PLEKHF2: variants seen among roughly 807,000 people sequenced by gnomAD.
The protein encoded by PLEKHF2 is pleckstrin homology and FYVE domain containing 2, also known as pleckstrin homology domain-containing family F member 2.
PLEKHF2 carries 4 observed loss-of-function variants against 14.7 expected under a neutral mutation model. The ratio of observed to expected loss-of-function variants is 0.27; its 90% CI spans 0.13 to 0.62. PLEKHF2 has a LOEUF of 0.62. Ranked by LOEUF, PLEKHF2 falls within the 20% of genes least tolerant of loss-of-function variation. The pLI is 0.85. For synonymous variants in PLEKHF2, 90 were observed against 103.5 expected, an observed-to-expected ratio of 0.87 and a Z score of 0.79; for missense variants, 201 against 307.7, an observed-to-expected ratio of 0.65 and a Z score of 2.60.
intron 1 of PLEKHF2, among the ~76,000 whole-genome samples, chr8:95,151,232 A>G (rs1270564318): frequency 6.6e-6 from 1 of 152,144 alleles, no homozygotes; most frequent in South Asian, 2.1e-4. Context: ...CACAGTACAA[A>G]TTTATGATAG....
chr8:95,137,440 C>A (rs1483490411), intron 1 of PLEKHF2, among the ~76,000 whole-genome samples: 1 of 152,214 alleles, frequency 6.6e-6, no homozygotes, highest in African/African-American at 2.4e-5. Flanking sequence ...GATCCCACCC[C>A]AGGACAAATA....
Position 95,154,606 on chromosome 8 carries a change from G to GA in PLEKHF2, c.566dup (p.Arg190GlufsTer10). On this transcript the variant is annotated frameshift_variant, in exon 2 of 2. Coordinates refer to ENST00000315367, the MANE Select transcript of PLEKHF2 (RefSeq NM_024613.4). LOFTEE classifies it high-confidence loss of function. The surrounding 1 kb of genome is among the most constrained non-coding windows in gnomAD (Gnocchi z 5.6). ...TTTTGTTGTCTGTGGGCCCTGCTCT[G>GA]AAAAGAGATTTCTTCTTCCCAGCCA... 6.2e-7 allele frequency: 1 copy of GA among 1,614,112 alleles called. No individual in the cohort carries two copies. Among genetic ancestry groups the GA allele is most frequent in the Non-Finnish European group, 8.5e-7 (1 of 1,179,996 alleles).
intron 1 of PLEKHF2, among the ~76,000 whole-genome samples, chr8:95,152,623 C>A (rs534605796): frequency 6.6e-6 from 1 of 152,096 alleles, no homozygotes; most frequent in East Asian, 1.9e-4. Flanking sequence ...TAATTAGAAA[C>A]CTTTCCAGTT....
At position 95,154,213 on chromosome 8, in the gene PLEKHF2, T is replaced by C. The variant is rs752142207; in HGVS notation, c.169T>C (p.Leu57=). 1 of 1,614,024 alleles carries C rather than the reference T, an allele frequency of 6.2e-7. No individual in the cohort carries two copies. The highest frequency in any genetic ancestry group is 2.2e-5 in the East Asian group (1 of 44,874). Residue 57 remains leucine (L), a synonymous_variant, in exon 2 of 2, where the codon TTG becomes CTG. Transcript: ENST00000315367. The surrounding 1 kb of genome is among the most constrained non-coding windows in gnomAD (Gnocchi z 5.6). ...RKKPKARQFF[L]FNDILVYGNI... is the part of the protein sequence containing the mutation. ...AAAGCCCAAAGCAAGGCAGTTTTTC[T>C]TGTTTAATGATATTCTTGTATATGG...
At chr8:95,144,082 G>T (rs948349982) in intron 1 of PLEKHF2, among the ~76,000 whole-genome samples, 16 of 151,482 alleles carry the variant, frequency 1.1e-4, no homozygotes, top group Non-Finnish European at 1.6e-4. Flanking sequence ...TAATGTTAGT[G>T]TATTTTATGT....
intron 1 of PLEKHF2, among the ~76,000 whole-genome samples, chr8:95,139,980 T>C (rs772827500): frequency 3.9e-5 from 6 of 152,108 alleles, no homozygotes; most frequent in Non-Finnish European, 7.4e-5. Context: ...AAACTAGGGG[T>C]TCCCCAAAGT....
intron 1 of PLEKHF2, among the ~76,000 whole-genome samples, chr8:95,145,881 A>T (rs1047916010): frequency 2.0e-5 from 3 of 152,156 alleles, no homozygotes; most frequent in Non-Finnish European, 4.4e-5. Flanking sequence ...TGTTCATTTG[A>T]CTTAGATGTG....
At chr8:95,148,298 A>G (rs543022148) in intron 1 of PLEKHF2, among the ~76,000 whole-genome samples, 2 of 152,158 alleles carry the variant, frequency 1.3e-5, no homozygotes. Flanking sequence ...CAGATAGTCA[A>G]TTGAGGTGAA....
At chr8:95,153,993 ATTTAT>A in intron 1 of PLEKHF2, 33 bp from the exon 2 acceptor site, 1 of 1,394,916 alleles carries the variant, frequency 7.2e-7, no homozygotes, top group Non-Finnish European at 9.5e-7. Context: ...GGAATTTATA[ATTTAT>A]ATGTGCTAAT....
chr8:95,144,284 A>C (rs989742123), intron 1 of PLEKHF2, among the ~76,000 whole-genome samples: 2 of 152,214 alleles, frequency 1.3e-5, no homozygotes, highest in African/African-American at 4.8e-5. Flanking sequence ...ATTTTCTAAA[A>C]TATTCAACTA....
chr8:95,144,027 T>A (rs1413161604), intron 1 of PLEKHF2, among the ~76,000 whole-genome samples: 1 of 127,420 alleles, frequency 7.8e-6, no homozygotes, highest in East Asian at 1.9e-4. Flanking sequence ...GTGTGTGTGA[T>A]TTTTTTTTTC....
intron 1 of PLEKHF2, among the ~76,000 whole-genome samples, chr8:95,135,294 T>C (rs779448062): frequency 3.3e-5 from 5 of 152,244 alleles, no homozygotes; most frequent in African/African-American, 4.8e-5. Context: ...ACAAATACAG[T>C]AAGCCCTAAA....
intron 1 of PLEKHF2, among the ~76,000 whole-genome samples, chr8:95,141,364 C>T (rs1466690119): frequency 6.6e-6 from 1 of 152,134 alleles, no homozygotes; most frequent in Non-Finnish European, 1.5e-5. Context: ...ATTTATCTTT[C>T]GTTGTTTCTA....
Position 95,154,862 on chromosome 8 carries a change from T to TTCTGAGC in PLEKHF2, c.*72_*78dup, listed in dbSNP as rs1810599156. The TTCTGAGC allele has an allele frequency of 1.9e-6, 3 of 1,546,116 alleles. No homozygotes were observed. In the African/African-American group the frequency reaches 4.2e-5, roughly 21 times the overall value. On this transcript the variant is annotated 3_prime_UTR_variant, in exon 2 of 2. Transcript: ENST00000315367. The surrounding 1 kb of genome is among the most constrained non-coding windows in gnomAD (Gnocchi z 5.6). ...AATCAACTTTGGGGGAAATGTAAGA[T>TTCTGAGC]TCTGAGCTCTCTCTCTGTTTTGTTC...
At chr8:95,153,467 T>C (rs1050270413) in intron 1 of PLEKHF2, among the ~76,000 whole-genome samples, 1 of 152,160 alleles carries the variant, frequency 6.6e-6, no homozygotes, top group Non-Finnish European at 1.5e-5. Flanking sequence ...AGGGATCATT[T>C]TGAGCAATGA....
rs560647433 is a variant in PLEKHF2 at position 95,153,942 on chromosome 8, G to A, written c.-14-89G>A. 96 of 1,067,766 alleles carry A rather than the reference G, an allele frequency of 9.0e-5. 1 individual carries two copies. The East Asian group carries it at 2.7e-3, about 30-fold the overall frequency. 66.1% of individuals were successfully genotyped at this position (1,067,766 alleles called of 1,614,324 possible). ...TAGAACATTTTGCCTTTGTGTAAAA[G>A]CAATGATTTGTTAGCTTAATTTATA... On this transcript the variant is annotated intron_variant, in intron 1 of 1. Transcript: ENST00000315367.
intron 1 of PLEKHF2, among the ~76,000 whole-genome samples, chr8:95,140,790 T>G (rs1167830730): frequency 1.9e-5 from 2 of 107,172 alleles, no homozygotes; most frequent in Non-Finnish European, 4.3e-5. Flanking sequence ...TTTACCACTG[T>G]TTTTTTTGTT....
intron 1 of PLEKHF2, among the ~76,000 whole-genome samples, chr8:95,150,179 C>T (rs1362627246): frequency 6.6e-6 from 1 of 152,086 alleles, no homozygotes; most frequent in Non-Finnish European, 1.5e-5. Flanking sequence ...CTCTCTTTCT[C>T]TCTCTTATAT....
Position 95,154,988 on chromosome 8 carries a change from A to G in PLEKHF2, c.*194A>G, listed in dbSNP as rs1810601085. On this transcript the variant is annotated 3_prime_UTR_variant, in exon 2 of 2. Coordinates refer to ENST00000315367, the MANE Select transcript of PLEKHF2 (RefSeq NM_024613.4). The surrounding 1 kb of genome is among the most constrained non-coding windows in gnomAD (Gnocchi z 5.6). ...TCTCCCACTCCTCACACTCTTCTAC[A>G]GGGATAGGCTTTTGCAAATATATCA... 2 of 587,904 alleles carry G rather than the reference A, an allele frequency of 3.4e-6. No homozygotes were observed. Among genetic ancestry groups the G allele is most frequent in the East Asian group, 5.7e-5 (2 of 35,234 alleles). The allele number at this position is 587,904 out of a possible 1,614,324, so 36.4% of individuals were successfully genotyped here. A position where few individuals can be genotyped will look rare whatever the true frequency, so the allele number is the denominator to read the frequency against.
Sources: allele counts gnomAD v4.1 joint callset (sites outside exome capture counted in the v4.1 genomes callset), GRCh38; gene constraint gnomAD v4.1.1; non-coding constraint Gnocchi (gnomAD v3.1); transcripts MANE v1.5; gene names NCBI Gene and HGNC (gene_info 2026-07-23, HGNC 2026-07-21).